Variants in ZCWPW2 observed in about 807,000 individuals in gnomAD.
ZCWPW2 encodes the protein zinc finger CW-type PWWP domain protein 2.
A neutral mutation model predicts 46.6 loss-of-function variants in ZCWPW2; 45 were observed. The observed-to-expected ratio is 0.96, with a 90% CI of 0.76 to 1.24. The LOEUF (loss-of-function observed/expected upper bound fraction) is 1.24. Ranked by LOEUF, ZCWPW2 falls within the 50% of genes most tolerant of loss-of-function variation. The probability of loss-of-function intolerance (pLI) is 0.00; values close to 1 mark genes in which losing one functional copy is unlikely to be tolerated. For missense variants in ZCWPW2, 429 were observed against 403.9 expected (o/e 1.06, Z -0.53); for synonymous variants, 152 against 137.1 (o/e 1.11, Z -0.76).
chr3:28,360,523 A>G lies in ZCWPW2; in HGVS notation c.-134+11320A>G, dbSNP rs201957654. On this transcript the variant is annotated intron_variant, in intron 1 of 9. Coordinates refer to ENST00000383768, the MANE Select transcript of ZCWPW2 (RefSeq NM_001040432.4). ...GGGTGACAGAGCAAGACTTTGTCTG[A>G]AAAAAAAAAAAAAAATTCTGTTTGT... 5.3e-3 allele frequency among the ~76,000 whole-genome samples: 737 copies of G among 138,728 alleles called. 45 individuals are homozygous for G. In the East Asian group the frequency reaches 0.14, roughly 26 times the overall value. 91.0% of individuals were successfully genotyped at this position (138,728 alleles called of 152,430 possible).
rs1013018789 is a variant in ZCWPW2, at chr3:28,385,546, G to C, written c.-133-4952G>C. ...TGGTTACAGCTTTAAGATAGTGCAA[G>C]ATAAGAGTAGGATTGACCATATCAG... On this transcript the variant is annotated intron_variant, in intron 1 of 9. Transcript: ENST00000383768. 1.2e-4 allele frequency among the ~76,000 whole-genome samples: 19 copies of C among 152,196 alleles called. 1 individual carries two copies. The highest frequency in any genetic ancestry group is 5.2e-4 in the Admixed American group (8 of 15,272).
chr3:28,373,284 G>C (rs1037188348), intron 1 of ZCWPW2, among the ~76,000 whole-genome samples: 1 of 152,102 alleles, frequency 6.6e-6, no homozygotes, highest in South Asian at 2.1e-4. Context: ...AAGAATAGGA[G>C]GGTTCCCCTT....
chr3:28,353,950 T>C lies in ZCWPW2; in HGVS notation c.-134+4747T>C, dbSNP rs78511122. Among the ~76,000 whole-genome samples, 25 of 152,362 alleles carry C rather than the reference T, an allele frequency of 1.6e-4. No homozygotes were observed. The East Asian group carries it at 4.6e-3, about 28-fold the overall frequency. ...ATGCTCGTCTGAGGCTTTGCAGTTA[T>C]ACTCTTTTGCTAATTGAGATATGAA... is the stretch of plus-strand genomic sequence containing the variant. On this transcript the variant is annotated intron_variant, in intron 1 of 9. Coordinates refer to ENST00000383768, the MANE Select transcript of ZCWPW2 (RefSeq NM_001040432.4).
At chr3:28,516,169 G>A (rs1381781162) in intron 8 of ZCWPW2, among the ~76,000 whole-genome samples, 1 of 150,748 alleles carries the variant, frequency 6.6e-6, no homozygotes, top group African/African-American at 2.4e-5. Context: ...GAGCCTGGGA[G>A]GCGGAGGTTG....
chr3:28,349,808 C>G (rs186343900), intron 1 of ZCWPW2, among the ~76,000 whole-genome samples: 341 of 152,278 alleles, frequency 2.2e-3, no homozygotes, highest in African/African-American at 7.7e-3. Context: ...CTCACCACCC[C>G]CTTAAAGTAG....
intron 3 of ZCWPW2, among the ~76,000 whole-genome samples, chr3:28,417,714 CGA>C (rs1696662206): frequency 8.6e-6 from 1 of 116,322 alleles, no homozygotes; most frequent in African/African-American, 3.4e-5. Context: ...GTTCAACATA[CGA>C]AAATCAATAA....
intron 1 of ZCWPW2, among the ~76,000 whole-genome samples, chr3:28,355,852 G>A (rs1200406675): frequency 2.0e-5 from 3 of 152,206 alleles, no homozygotes; most frequent in African/African-American, 7.2e-5. Flanking sequence ...ATTAATTCAA[G>A]ATGGATTAAA....
chr3:28,429,623 A>G (rs1697163060), intron 3 of ZCWPW2, among the ~76,000 whole-genome samples: 1 of 152,186 alleles, frequency 6.6e-6, no homozygotes, highest in Non-Finnish European at 1.5e-5. Context: ...AATGGGGAAA[A>G]TGTCTCCAGG....
At chr3:28,521,296 T>C (rs1700716979) in intron 9 of ZCWPW2, among the ~76,000 whole-genome samples, 180 bp downstream of exon 9, 1 of 152,196 alleles carries the variant, frequency 6.6e-6, no homozygotes, top group Non-Finnish European at 1.5e-5. Flanking sequence ...AAAACACATC[T>C]ATCAGGATTT....
intron 6 of ZCWPW2, among the ~76,000 whole-genome samples, chr3:28,503,665 T>G (rs974987797): frequency 4.0e-5 from 6 of 151,826 alleles, no homozygotes; most frequent in Non-Finnish European, 8.8e-5. Flanking sequence ...AGGGGAGAGA[T>G]ATCACTGGAA....
In ZCWPW2 at chr3:28,525,035, G is replaced by T. The variant is rs991034750; in HGVS notation, c.*347G>T. The T allele has an allele frequency of 1.3e-5, 2 of 154,538 alleles. No individual in the cohort carries two copies. Among genetic ancestry groups the T allele is most frequent in the African/African-American group, 4.8e-5 (2 of 41,488 alleles). 9.6% of individuals were successfully genotyped at this position (154,538 alleles called of 1,614,324 possible). ...AAAAATGGATAACTTAAAATGGCTGGCCAAGCTATTATAATTCTCAGAGGT... is the reference window on the plus strand; with the variant it reads ...AAAAATGGATAACTTAAAATGGCTGTCCAAGCTATTATAATTCTCAGAGGT... On this transcript the variant is annotated 3_prime_UTR_variant, in exon 10 of 10. Coordinates refer to ENST00000383768, the MANE Select transcript of ZCWPW2 (RefSeq NM_001040432.4).
chr3:28,523,080 T>C (rs913858414), intron 9 of ZCWPW2, among the ~76,000 whole-genome samples: 1 of 152,196 alleles, frequency 6.6e-6, no homozygotes, highest in Admixed American at 6.6e-5. Flanking sequence ...TTTCTTAAGG[T>C]AAAATACATA....
chr3:28,504,055 G>C (rs1304246704), intron 6 of ZCWPW2, among the ~76,000 whole-genome samples: 1 of 151,906 alleles, frequency 6.6e-6, no homozygotes, highest in African/African-American at 2.4e-5. Flanking sequence ...AATTATGCCA[G>C]GTGTGGTGGC....
In ZCWPW2 at chr3:28,354,457, T is replaced by C. The variant is rs1435363137; in HGVS notation, c.-134+5254T>C. ...GAGCTGGTACCATTCCTTCTGAAAC[T>C]ATTCCAATCAATAGAAAAAGAGGGA... On this transcript the variant is annotated intron_variant, in intron 1 of 9. Transcript: ENST00000383768. 3.5e-5 allele frequency among the ~76,000 whole-genome samples: 5 copies of C among 141,056 alleles called. 1 individual carries two copies. The highest frequency in any genetic ancestry group is 7.9e-5 in the Non-Finnish European group (5 of 63,076). The allele number at this position is 141,056 out of a possible 152,430, so 92.5% of individuals were successfully genotyped here.
At chr3:28,474,104 C>G (rs1454304294) in intron 4 of ZCWPW2, among the ~76,000 whole-genome samples, 1 of 152,152 alleles carries the variant, frequency 6.6e-6, no homozygotes, top group Non-Finnish European at 1.5e-5. Context: ...TTACACATTA[C>G]ATGCCTGTAT....
At chr3:28,402,801 A>G (rs918057268) in intron 2 of ZCWPW2, among the ~76,000 whole-genome samples, 8 of 152,226 alleles carry the variant, frequency 5.3e-5, no homozygotes, top group Non-Finnish European at 1.2e-4. Context: ...GAAAAATCAC[A>G]TGATTATCTC....
rs1695085848 is a variant in ZCWPW2, at chr3:28,381,056, A to ATATATATATATTTGGTG, written c.-133-9431_-133-9430insTTGGTGTATATATATAT. Among the ~76,000 whole-genome samples, 2 of 107,618 alleles carry ATATATATATATTTGGTG rather than the reference A, an allele frequency of 1.9e-5. 1 individual carries two copies. The allele number at this position is 107,618 out of a possible 152,430, so 70.6% of individuals were successfully genotyped here. A position where few individuals can be genotyped will look rare whatever the true frequency, so the allele number is the denominator to read the frequency against. Reference sequence around the variant, plus strand: ...ATATATATATATATTTGGTGTATATATATATATATATATATATATATATAC... The same window carrying ATATATATATATTTGGTG: ...ATATATATATATATTTGGTGTATATATATATATATATTTGGTGTATATATATATATATATATATATAC... On this transcript the variant is annotated intron_variant, in intron 1 of 9. Coordinates refer to ENST00000383768, the MANE Select transcript of ZCWPW2 (RefSeq NM_001040432.4).
chr3:28,460,866 A>G (rs1194949309), intron 4 of ZCWPW2: 3 of 171,334 alleles, frequency 1.8e-5, no homozygotes, highest in African/African-American at 7.1e-5. Context: ...GCAGTAATTG[A>G]CATAAATCTC....
chr3:28,433,921 T>TG (rs1424054998), intron 3 of ZCWPW2, among the ~76,000 whole-genome samples: 290 of 151,334 alleles, frequency 1.9e-3, no homozygotes, highest in African/African-American at 6.6e-3. Flanking sequence ...ACCCCAGTTT[T>TG]TTTTTTTTTT....
Sources: gnomAD v4.1 joint callset for allele counts (sites outside exome capture counted in the v4.1 genomes callset) on GRCh38, gnomAD v4.1.1 for gene constraint, MANE v1.5 for transcripts, NCBI Gene and HGNC (gene_info 2026-07-23, HGNC 2026-07-21) for gene names.